The following PHACTR2 variants were observed in gnomAD, a reference collection of about 807,000 sequenced individuals.
The protein encoded by PHACTR2 is phosphatase and actin regulator 2, also known as chromosome 6 open reading frame 56.
PHACTR2 carries 30 observed loss-of-function variants against 76.0 expected under a neutral mutation model. That is an observed-to-expected ratio of 0.39 (90% confidence interval 0.30 to 0.54). The LOEUF is 0.54. Ranked by LOEUF, PHACTR2 falls within the 20% of genes least tolerant of loss-of-function variation. The pLI, the probability that PHACTR2 is intolerant of heterozygous loss-of-function variation, is 0.61. For missense variants in PHACTR2, 696 were observed against 781.1 expected, an observed-to-expected ratio of 0.89 and a Z score of 1.30; for synonymous variants, 292 against 292.5, an observed-to-expected ratio of 1.00 and a Z score of 0.02.
chr6:143,731,146 C>T lies in PHACTR2; in HGVS notation c.215-17839C>T, dbSNP rs1415360607. ...TTTATTATGAATAGATATTGGATTT[C>T]TCAAACGCATTTTTCTGGATCAATT... is the stretch of plus-strand genomic sequence containing the variant. On this transcript the variant is annotated intron_variant, in intron 2 of 12. Transcript: ENST00000440869. This position sits in a 1 kb window ranked among gnomAD's most constrained non-coding sequence, Gnocchi z 4.9. Among the ~76,000 whole-genome samples, 2 of 152,172 alleles carry T rather than the reference C, an allele frequency of 1.3e-5. No individual in the cohort carries two copies. The highest frequency in any genetic ancestry group is 2.9e-5 in the Non-Finnish European group (2 of 68,046).
chr6:143,704,429 A>G (rs549628321), intron 1 of PHACTR2, among the ~76,000 whole-genome samples: 1 of 152,308 alleles, frequency 6.6e-6, no homozygotes, highest in Admixed American at 6.5e-5. Context: ...CTGTTGGTAA[A>G]AGACAGTAGG....
Position 143,562,658 on chromosome 6 carries a change from C to T in PHACTR2, c.217+25451C>T, listed in dbSNP as rs1026517616. On this transcript the variant is annotated intron_variant, in intron 1 of 11. Coordinates refer to the PHACTR2 transcript ENST00000367584. This position sits in a 1 kb window ranked among gnomAD's most constrained non-coding sequence, Gnocchi z 5.1. Reference sequence around the variant, plus strand: ...TCCTGTCTTAAAATTTATGTATATACAATTCATGCCACAGACTCTCATTGT... The same window carrying T: ...TCCTGTCTTAAAATTTATGTATATATAATTCATGCCACAGACTCTCATTGT... Among the ~76,000 whole-genome samples, 4 of 152,098 alleles carry T rather than the reference C, an allele frequency of 2.6e-5. No individual in the cohort carries two copies. The highest frequency in any genetic ancestry group is 9.7e-5 in the African/African-American group (4 of 41,414).
At chr6:143,705,775 G>A (rs2128459619) in intron 1 of PHACTR2, among the ~76,000 whole-genome samples, 1 of 152,140 alleles carries the variant, frequency 6.6e-6, no homozygotes, top group East Asian at 1.9e-4. Context: ...TGTGAACCTC[G>A]ATCCCTGGCT....
rs1775797738 is a variant in PHACTR2, at chr6:143,795,107, T to C, written c.1845+6197T>C. Among the ~76,000 whole-genome samples the C allele has an allele frequency of 6.6e-6, 1 of 152,146 alleles. No homozygotes were observed. On this transcript the variant is annotated intron_variant, in intron 11 of 12. Transcript: ENST00000440869. The surrounding 1 kb of genome is among the most constrained non-coding windows in gnomAD (Gnocchi z 4.8). ...TAATTGTGAACTTGATTGAGCTTTATTCACCTTTAAAATAAAATTTTCAGG... is the reference window on the plus strand; with the variant it reads ...TAATTGTGAACTTGATTGAGCTTTACTCACCTTTAAAATAAAATTTTCAGG...
Position 143,828,338 on chromosome 6 carries a change from G to C in PHACTR2, c.*4649G>C, listed in dbSNP as rs934923137. The C allele has an allele frequency of 6.6e-6, 1 of 152,210 alleles. No homozygotes were observed. Among genetic ancestry groups the C allele is most frequent in the Non-Finnish European group, 1.5e-5 (1 of 68,048 alleles). 9.4% of individuals were successfully genotyped at this position (152,210 alleles called of 1,614,324 possible). On this transcript the variant is annotated 3_prime_UTR_variant, in exon 13 of 13. Coordinates refer to ENST00000440869, the MANE Select transcript of PHACTR2 (RefSeq NM_001100164.2). This position sits in a 1 kb window ranked among gnomAD's most constrained non-coding sequence, Gnocchi z 4.7. ...TGTAAAGGCAGGCAGTGACCAAGAG[G>C]TGGTGGGGAGAGAGGTAGAGTACCC...
intron 1 of PHACTR2, among the ~76,000 whole-genome samples, chr6:143,668,661 A>G (rs919258762): frequency 2.6e-5 from 4 of 152,114 alleles, no homozygotes; most frequent in African/African-American, 9.7e-5. Context: ...GTTTATTTGG[A>G]TAGAGGTGTT....
rs12212893 is a variant in PHACTR2 at position 143,738,219 on chromosome 6, G to T, written c.215-10766G>T. Reference sequence around the variant, plus strand: ...AAGGTCAGGAGTTCGAAACCAGTGGGGGGCGCCTGTAATCCCAGCTACTCA... The same window carrying T: ...AAGGTCAGGAGTTCGAAACCAGTGGTGGGCGCCTGTAATCCCAGCTACTCA... On this transcript the variant is annotated intron_variant, in intron 2 of 12. Coordinates refer to ENST00000440869, the MANE Select transcript of PHACTR2 (RefSeq NM_001100164.2). The surrounding 1 kb of genome is among the most constrained non-coding windows in gnomAD (Gnocchi z 4.0). Among the ~76,000 whole-genome samples, 82,738 of 151,778 alleles carry T rather than the reference G, an allele frequency of 0.55. 23,258 individuals are homozygous for T. Among genetic ancestry groups the T allele is most frequent in the African/African-American group, 0.7 (28,885 of 41,376 alleles).
chr6:143,576,183 C>T (rs1775504575), intron 1 of PHACTR2, among the ~76,000 whole-genome samples: 1 of 152,194 alleles, frequency 6.6e-6, no homozygotes, highest in Admixed American at 6.5e-5. Flanking sequence ...CTAGAATTTG[C>T]GATCCAAGCC....
chr6:143,750,815 C>G lies in PHACTR2; in HGVS notation c.295+1750C>G, dbSNP rs151331146. On this transcript the variant is annotated intron_variant, in intron 3 of 12. Transcript: ENST00000440869. This position sits in a 1 kb window ranked among gnomAD's most constrained non-coding sequence, Gnocchi z 4.6. ...CTAAAAGTTTTAAAACATAAAAGAA[C>G]AAAACAATTTTTTAACCTAAGCATA... Among the ~76,000 whole-genome samples the G allele has an allele frequency of 3.4e-3, 519 of 152,080 alleles. 4 individuals carry two copies. The highest frequency in any genetic ancestry group is 0.012 in the African/African-American group (495 of 41,490).
At position 143,627,302 on chromosome 6, in the gene PHACTR2, C is replaced by G. The variant is rs1197031782; in HGVS notation, c.13+18980C>G. Among the ~76,000 whole-genome samples the G allele has an allele frequency of 2.0e-5, 3 of 152,174 alleles. No homozygotes were observed. Among genetic ancestry groups the G allele is most frequent in the African/African-American group, 7.2e-5 (3 of 41,440 alleles). Reference sequence around the variant, plus strand: ...ATTATTATTTTCAAAACTAAGATAGCTTTACTCAGTTCGATAACTTGCCTT... The same window carrying G: ...ATTATTATTTTCAAAACTAAGATAGGTTTACTCAGTTCGATAACTTGCCTT... On this transcript the variant is annotated intron_variant, in intron 1 of 11. Coordinates refer to the PHACTR2 transcript ENST00000305766. The surrounding 1 kb of genome is among the most constrained non-coding windows in gnomAD (Gnocchi z 4.3).
At position 143,783,292 on chromosome 6, in the gene PHACTR2, A is replaced by T; in HGVS notation, c.1707+12A>T. The stretch of plus-strand genomic sequence containing the variant: ...GACTCAGCAGAAAGGTAATGAAATC[A>T]TAACTATTAATGAGCATATGTGTTT... On this transcript the variant is annotated intron_variant, in intron 10 of 12. Coordinates refer to ENST00000440869, the MANE Select transcript of PHACTR2 (RefSeq NM_001100164.2). This position sits in a 1 kb window ranked among gnomAD's most constrained non-coding sequence, Gnocchi z 5.2. 1 of 1,544,816 alleles carries T rather than the reference A, an allele frequency of 6.5e-7. No individual in the cohort carries two copies. The highest frequency in any genetic ancestry group is 1.1e-5 in the South Asian group (1 of 89,374).
intron 5 of PHACTR2, among the ~76,000 whole-genome samples, chr6:143,762,151 C>T (rs909387214): frequency 6.6e-6 from 1 of 152,136 alleles, no homozygotes; most frequent in African/African-American, 2.4e-5. Flanking sequence ...GAGGGAGGCA[C>T]TGATCTTCTT....
In PHACTR2 at chr6:143,710,570, G is replaced by A. The variant is rs1441463817; in HGVS notation, c.47-1446G>A. On this transcript the variant is annotated intron_variant, in intron 1 of 12. Coordinates refer to ENST00000440869, the MANE Select transcript of PHACTR2 (RefSeq NM_001100164.2). This position sits in a 1 kb window ranked among gnomAD's most constrained non-coding sequence, Gnocchi z 4.9. The stretch of plus-strand genomic sequence containing the variant: ...TAGCCAGGCCTGGTGGCATGTGCCT[G>A]TAGTCAGTCCCAGCTGCTTGGGAGG... 2.0e-5 allele frequency among the ~76,000 whole-genome samples: 3 copies of A among 152,180 alleles called. No homozygotes were observed. Among genetic ancestry groups the A allele is most frequent in the Non-Finnish European group, 4.4e-5 (3 of 68,044 alleles).
rs1354637776 is a variant in PHACTR2 at position 143,803,343 on chromosome 6, T to G, written c.1846-3714T>G. On this transcript the variant is annotated intron_variant, in intron 11 of 12. Transcript: ENST00000440869. This position sits in a 1 kb window ranked among gnomAD's most constrained non-coding sequence, Gnocchi z 4.7. ...TGGGGAGATTGCTTGAGCCTAGGAGTTTGAGACCAGCCTGGCCAACATTGC... is the reference window on the plus strand; with the variant it reads ...TGGGGAGATTGCTTGAGCCTAGGAGGTTGAGACCAGCCTGGCCAACATTGC... Among the ~76,000 whole-genome samples the G allele has an allele frequency of 2.0e-5, 3 of 151,596 alleles. No homozygotes were observed. The highest frequency in any genetic ancestry group is 2.9e-5 in the Non-Finnish European group (2 of 67,934).
chr6:143,616,354 A>G lies in PHACTR2; in HGVS notation c.13+8032A>G, dbSNP rs958295797. Among the ~76,000 whole-genome samples the G allele has an allele frequency of 3.3e-5, 5 of 152,100 alleles. No individual in the cohort carries two copies. Among genetic ancestry groups the G allele is most frequent in the Admixed American group, 6.5e-5 (1 of 15,272 alleles). The stretch of plus-strand genomic sequence containing the variant: ...TTACAGGTGTCAAGTTCAAATCCTT[A>G]TATTTATTGTTATTAGTAATGATTA... On this transcript the variant is annotated intron_variant, in intron 1 of 11. Coordinates refer to the PHACTR2 transcript ENST00000305766. This position sits in a 1 kb window ranked among gnomAD's most constrained non-coding sequence, Gnocchi z 4.9.
chr6:143,772,554 T>G lies in PHACTR2; in HGVS notation c.1432+97T>G. On this transcript the variant is annotated intron_variant, in intron 7 of 12. Coordinates refer to ENST00000440869, the MANE Select transcript of PHACTR2 (RefSeq NM_001100164.2). The surrounding 1 kb of genome is among the most constrained non-coding windows in gnomAD (Gnocchi z 5.4). ...AAAGCCTCATTAGGAACCAGACATCTGATGTTTTCTTTCCCCTCATCCTCC... is the reference window on the plus strand; with the variant it reads ...AAAGCCTCATTAGGAACCAGACATCGGATGTTTTCTTTCCCCTCATCCTCC... The G allele has an allele frequency of 1.2e-6, 1 of 834,428 alleles. No individual in the cohort carries two copies. The highest frequency in any genetic ancestry group is 1.9e-6 in the Non-Finnish European group (1 of 517,400). The allele number at this position is 834,428 out of a possible 1,614,324, so 51.7% of individuals were successfully genotyped here.
In PHACTR2 at chr6:143,800,403, A is replaced by G. The variant is rs1330426717; in HGVS notation, c.1846-6654A>G. Among the ~76,000 whole-genome samples, 1 of 152,106 alleles carries G rather than the reference A, an allele frequency of 6.6e-6. No individual in the cohort carries two copies. Among genetic ancestry groups the G allele is most frequent in the Admixed American group, 6.5e-5 (1 of 15,270 alleles). On this transcript the variant is annotated intron_variant, in intron 11 of 12. Coordinates refer to ENST00000440869, the MANE Select transcript of PHACTR2 (RefSeq NM_001100164.2). This position sits in a 1 kb window ranked among gnomAD's most constrained non-coding sequence, Gnocchi z 4.8. ...CAGCCTCCTGAGTAGCTGGGACTAC[A>G]GGTGCCCGCCACCATGCCCAGTTAA...
chr6:143,724,365 C>T (rs1308771653), intron 2 of PHACTR2, among the ~76,000 whole-genome samples: 2 of 152,186 alleles, frequency 1.3e-5, no homozygotes, highest in Non-Finnish European at 2.9e-5. Context: ...ATCTCCCGAA[C>T]TCGTGATCCA....
Position 143,678,167 on chromosome 6 carries a change from G to A in PHACTR2, c.4G>A (p.Gly2Ser). The part of the protein sequence containing the change: M[G>S]QTSVSTLSPQ... ...ACCTGGCCCTGCGACCCCAGTCATGGGCCAGACCTCGGTGTCCACGCTGTC... is the reference window on the plus strand; with the variant it reads ...ACCTGGCCCTGCGACCCCAGTCATGAGCCAGACCTCGGTGTCCACGCTGTC... The change falls in exon 1 of 13, where the codon GGC becomes AGC. Residue 2 changes from glycine (G) to serine (S), a missense_variant. Around this residue, in one of 2 missense-constraint regions of PHACTR2, gnomAD observed 460 missense variants for 450.9 expected, o/e 1.02. Coordinates refer to ENST00000440869, the MANE Select transcript of PHACTR2 (RefSeq NM_001100164.2). The surrounding 1 kb of genome is among the most constrained non-coding windows in gnomAD (Gnocchi z 6.2). 1 of 1,543,114 alleles carries A rather than the reference G, an allele frequency of 6.5e-7. No homozygotes were observed. The highest frequency in any genetic ancestry group is 8.7e-7 in the Non-Finnish European group (1 of 1,143,798).
Sources: gnomAD v4.1 joint callset for allele counts (sites outside exome capture counted in the v4.1 genomes callset) on GRCh38, gnomAD v4.1.1 for gene constraint, gnomAD v4.1.1 regional missense constraint, Gnocchi (gnomAD v3.1) non-coding constraint, MANE v1.5 for transcripts, NCBI Gene and HGNC (gene_info 2026-07-23, HGNC 2026-07-21) for gene names.